The following TMEM164 variants were observed in gnomAD, a reference collection of about 807,000 sequenced individuals.
TMEM164 encodes RP13-360B22.2.
A neutral mutation model predicts 18.8 loss-of-function variants in TMEM164; 4 were observed. The observed-to-expected ratio is 0.21, with a 90% confidence interval of 0.10 to 0.49. The LOEUF is 0.49. Ranked by LOEUF, TMEM164 falls within the 20% of genes least tolerant of loss-of-function variation. The pLI is 0.98. For synonymous variants in TMEM164, 86 were observed against 101.7 expected (o/e 0.85, Z 0.93); for missense variants, 108 against 239.9 (o/e 0.45, Z 3.63).
intron 2 of TMEM164, among the ~76,000 whole-genome samples, chrX:110,018,437 G>A (rs1933604100): frequency 8.9e-6 from 1 of 112,095 alleles, no homozygotes; most frequent in South Asian, 3.7e-4. Flanking sequence ...AAGAAATAGA[G>A]TGTGGTAGTT....
At chrX:110,124,176 A>AGGAAGGC in intron 4 of TMEM164, among the ~76,000 whole-genome samples, 1 of 77,159 alleles carries the variant, frequency 1.3e-5, no homozygotes, top group Non-Finnish European at 2.5e-5. Context: ...GGAAGGAAGG[A>AGGAAGGC]AGGCAGGAAG....
intron 4 of TMEM164, among the ~76,000 whole-genome samples, chrX:110,134,457 G>C (rs993882099): frequency 7.4e-5 from 8 of 108,218 alleles, no homozygotes; most frequent in African/African-American, 2.7e-4. Flanking sequence ...CTACTCGGGA[G>C]GCTGAGGCAG....
intron 4 of TMEM164, among the ~76,000 whole-genome samples, chrX:110,132,592 A>AT: frequency 8.9e-6 from 1 of 111,907 alleles, no homozygotes; most frequent in Non-Finnish European, 1.9e-5. Context: ...TAAAAAGGGT[A>AT]TTATGTTTTA....
At chrX:110,014,954 A>G (rs1037971246) in intron 2 of TMEM164, among the ~76,000 whole-genome samples, 2 of 110,382 alleles carry the variant, frequency 1.8e-5, no homozygotes, top group African/African-American at 3.3e-5. Flanking sequence ...TGCTGCTTTC[A>G]GGAGAAGACT....
chrX:110,107,120 T>G (rs2066215627), intron 3 of TMEM164, among the ~76,000 whole-genome samples: 1 of 112,314 alleles, frequency 8.9e-6, no homozygotes, highest in South Asian at 3.6e-4. Flanking sequence ...GACAGACTCT[T>G]GAAACTAAAA....
At position 110,174,876 on chromosome X, in the gene TMEM164, C is replaced by T. The variant is rs770029313; in HGVS notation, c.*1425C>T. Reference sequence around the variant, plus strand: ...GATGAGCCTCCCTTCCCCTGTCCCACTCTAGGCAACACAGTTGACCTAGAC... The same window carrying T: ...GATGAGCCTCCCTTCCCCTGTCCCATTCTAGGCAACACAGTTGACCTAGAC... On this transcript the variant is annotated 3_prime_UTR_variant, in exon 7 of 7. Transcript: ENST00000372068. 2 of 112,498 alleles carry T rather than the reference C, an allele frequency of 1.8e-5. No individual in the cohort carries two copies. Among genetic ancestry groups the T allele is most frequent in the South Asian group, 3.7e-4 (1 of 2,708 alleles). 9.3% of individuals were successfully genotyped at this position (112,498 alleles called of 1,213,427 possible).
At chrX:110,127,555 A>G (rs1028321247) in intron 4 of TMEM164, among the ~76,000 whole-genome samples, 16 of 111,192 alleles carry the variant, frequency 1.4e-4, no homozygotes, top group Non-Finnish European at 3.8e-5. Flanking sequence ...CCACAACTCA[A>G]CTCCTGCTTC....
chrX:110,002,921 T>TCCCCCTGGCTTCC (rs747959301), upstream of TMEM164: 2 of 108,744 alleles, frequency 1.8e-5, no homozygotes, highest in African/African-American at 6.7e-5. Flanking sequence ...GCCTCCCGCC[T>TCCCCCTGGCTTCC]TCCCTCTGGC....
intron 2 of TMEM164, among the ~76,000 whole-genome samples, chrX:110,021,048 G>A (rs1318726116): frequency 2.8e-5 from 3 of 106,324 alleles, no homozygotes; most frequent in Non-Finnish European, 5.8e-5. Context: ...TTAAAAATCT[G>A]GAAGAATGTA....
chrX:110,044,710 C>G (rs1935247920), intron 2 of TMEM164, among the ~76,000 whole-genome samples: 1 of 102,937 alleles, frequency 9.7e-6, no homozygotes, highest in Non-Finnish European at 2.0e-5. Flanking sequence ...CTTGGCCTCC[C>G]AAAGTGCTGG....
At chrX:110,120,511 A>G (rs2066434493) in intron 4 of TMEM164, among the ~76,000 whole-genome samples, 1 of 112,121 alleles carries the variant, frequency 8.9e-6, no homozygotes, top group South Asian at 3.7e-4. Context: ...TTGGAGGTAC[A>G]TTGTGATATT....
At chrX:110,067,822 G>A (rs1032961615) in intron 3 of TMEM164, among the ~76,000 whole-genome samples, 1 of 112,544 alleles carries the variant, frequency 8.9e-6, no homozygotes, top group Non-Finnish European at 1.9e-5. Context: ...CCCCTAAAGT[G>A]CAAATTAAAG....
At chrX:110,002,625 G>A (rs1234951240), upstream of TMEM164, 5 of 108,544 alleles carry the variant, frequency 4.6e-5, no homozygotes, top group Non-Finnish European at 7.7e-5. Context: ...GGAAGAAGGA[G>A]GAAGCGAGCG....
At chrX:110,023,002 G>T (rs997135310) in intron 2 of TMEM164, among the ~76,000 whole-genome samples, 1 of 112,329 alleles carries the variant, frequency 8.9e-6, no homozygotes. Context: ...TACCCTTTGA[G>T]GTCCTATTAC....
intron 2 of TMEM164, among the ~76,000 whole-genome samples, chrX:110,036,547 A>G (rs1934811325): frequency 8.9e-6 from 1 of 112,365 alleles, no homozygotes; most frequent in Non-Finnish European, 1.9e-5. Flanking sequence ...AGCTATGTTG[A>G]AAGGTGCCTA....
intron 2 of TMEM164, among the ~76,000 whole-genome samples, chrX:110,062,901 C>T (rs1206312568): frequency 9.0e-6 from 1 of 111,338 alleles, no homozygotes; most frequent in African/African-American, 3.3e-5. Context: ...AGATAGATCC[C>T]TCTTGTAGCA....
chrX:110,146,385 A>T (rs1019395203), intron 5 of TMEM164, among the ~76,000 whole-genome samples: 14 of 112,156 alleles, frequency 1.2e-4, no homozygotes, highest in African/African-American at 4.5e-4. Flanking sequence ...CTCCCTCCAA[A>T]AGAATAATCC....
At position 110,084,756 on chromosome X, in the gene TMEM164, A is replaced by T. The variant is rs188799812; in HGVS notation, c.440+17360A>T. ...GGTATATTATATTATAGATTTCCTA[A>T]TATCAATCTTTGTTAGCTTTCTAAG... is the stretch of plus-strand genomic sequence containing the variant. On this transcript the variant is annotated intron_variant, in intron 3 of 6. Coordinates refer to ENST00000372068, the MANE Select transcript of TMEM164 (RefSeq NM_032227.4). Among the ~76,000 whole-genome samples the T allele has an allele frequency of 3.6e-5, 4 of 109,916 alleles. No homozygotes were observed. The East Asian group carries it at 1.1e-3, about 31-fold the overall frequency.
intron 5 of TMEM164, among the ~76,000 whole-genome samples, chrX:110,170,361 T>G (rs1208108550): frequency 8.8e-6 from 1 of 113,174 alleles, no homozygotes; most frequent in Non-Finnish European, 1.9e-5. Flanking sequence ...GCAGGGAACC[T>G]GCCTTCTTTA....
Sources: gnomAD v4.1 joint callset for allele counts (sites outside exome capture counted in the v4.1 genomes callset) on GRCh38, gnomAD v4.1.1 for gene constraint, MANE v1.5 for transcripts, NCBI Gene and HGNC (gene_info 2026-07-23, HGNC 2026-07-21) for gene names.